Variants in RPS6KC1 observed in about 807,000 individuals in gnomAD.
The protein encoded by RPS6KC1 is inactive ribosomal protein S6 kinase delta-1.
In RPS6KC1, 54 loss-of-function variants were observed where a neutral mutation model predicts 103.8. The observed-to-expected ratio is 0.52, with a 90% CI of 0.42 to 0.65. The LOEUF (loss-of-function observed/expected upper bound fraction) is 0.65, where lower values mean the gene tolerates loss of function less well. Ranked by LOEUF, RPS6KC1 falls within the 30% of genes least tolerant of loss-of-function variation. The pLI is 0.00. For synonymous variants in RPS6KC1, 439 were observed against 438.7 expected (o/e 1.00, Z -0.01); for missense variants, 1,151 against 1,253.8 (o/e 0.92, Z 1.24).
the RPS6KC1 span, among the ~76,000 whole-genome samples, chr1:213,798,924 G>A: frequency 6.6e-6 from 1 of 152,252 alleles, no homozygotes; most frequent in African/African-American, 2.4e-5. Flanking sequence ...CAAATTCCTT[G>A]GGCTTAAAAT....
chr1:213,281,614 A>G, the RPS6KC1 span, among the ~76,000 whole-genome samples: 1 of 152,160 alleles, frequency 6.6e-6, no homozygotes, highest in African/African-American at 2.4e-5. Context: ...GGCATTGGTA[A>G]ATCTTGGCAC....
chr1:213,217,220 A>C (rs1317373444), intron 8 of RPS6KC1, among the ~76,000 whole-genome samples: 1 of 151,772 alleles, frequency 6.6e-6, no homozygotes, highest in Non-Finnish European at 1.5e-5. Context: ...AATACAAACT[A>C]CCATCAGAGA....
chr1:213,697,181 T>A, the RPS6KC1 span, among the ~76,000 whole-genome samples: 1 of 152,232 alleles, frequency 6.6e-6, no homozygotes, highest in South Asian at 2.1e-4. Flanking sequence ...CACAGAACTC[T>A]CATGCCCTCT....
the RPS6KC1 span, among the ~76,000 whole-genome samples, chr1:213,373,589 T>C: frequency 1.3e-5 from 2 of 152,158 alleles, no homozygotes; most frequent in Non-Finnish European, 2.9e-5. Flanking sequence ...TTACAACATA[T>C]TATGTATTTG....
the RPS6KC1 span, among the ~76,000 whole-genome samples, chr1:213,722,828 G>A: frequency 2.0e-5 from 3 of 152,150 alleles, no homozygotes; most frequent in African/African-American, 7.2e-5. Flanking sequence ...TTATGACTAG[G>A]TCCTCTGAAA....
At chr1:213,493,834 A>G in the RPS6KC1 span, among the ~76,000 whole-genome samples, 2 of 152,222 alleles carry the variant, frequency 1.3e-5, no homozygotes. Context: ...AGTGTGTTCT[A>G]GAGAGAAGTG....
At chr1:213,296,888 G>A in the RPS6KC1 span, among the ~76,000 whole-genome samples, 2 of 152,174 alleles carry the variant, frequency 1.3e-5, no homozygotes, top group African/African-American at 4.8e-5. Flanking sequence ...GCTTACTACA[G>A]TGACAAAGGA....
the RPS6KC1 span, among the ~76,000 whole-genome samples, chr1:213,440,202 G>A: frequency 1.3e-5 from 2 of 152,062 alleles, no homozygotes; most frequent in African/African-American, 2.4e-5. Flanking sequence ...CTCCCTACGA[G>A]CTCAAAAATG....
At chr1:213,820,739 G>A in the RPS6KC1 span, 1 of 152,148 alleles carries the variant, frequency 6.6e-6, no homozygotes, top group Admixed American at 6.5e-5. Flanking sequence ...ATAGGGCAGG[G>A]GCAGGTGGAC....
intron 1 of RPS6KC1, among the ~76,000 whole-genome samples, chr1:213,065,060 T>C (rs1170183099): frequency 7.1e-6 from 1 of 140,374 alleles, no homozygotes; most frequent in Non-Finnish European, 1.5e-5. Flanking sequence ...CACTGCAACC[T>C]CTGCCTCCTG....
chr1:213,805,326 A>G, the RPS6KC1 span, among the ~76,000 whole-genome samples: 14 of 152,240 alleles, frequency 9.2e-5, no homozygotes, highest in Non-Finnish European at 1.8e-4. Context: ...TAACCGCAGT[A>G]GAATTTCTGT....
the RPS6KC1 span, among the ~76,000 whole-genome samples, chr1:213,781,032 A>C: frequency 6.6e-5 from 10 of 152,196 alleles, no homozygotes; most frequent in African/African-American, 2.4e-4. Flanking sequence ...TAACACAAAA[A>C]ACAAACAACA....
At chr1:213,082,831 A>G (rs944519250) in intron 3 of RPS6KC1, among the ~76,000 whole-genome samples, 1 of 152,218 alleles carries the variant, frequency 6.6e-6, no homozygotes, top group African/African-American at 2.4e-5. Flanking sequence ...CTGAGCAAAT[A>G]TGGCCTAAAG....
the RPS6KC1 span, among the ~76,000 whole-genome samples, chr1:213,587,853 G>A: frequency 6.6e-6 from 1 of 152,198 alleles, no homozygotes; most frequent in African/African-American, 2.4e-5. Context: ...AGCCAAATTG[G>A]AGGGTAGAAA....
At chr1:213,173,059 C>T (rs562429563) in intron 7 of RPS6KC1, among the ~76,000 whole-genome samples, 84 of 152,212 alleles carry the variant, frequency 5.5e-4, no homozygotes, top group South Asian at 2.9e-3. Context: ...GCTAACCTTG[C>T]TGCGTCTCAG....
chr1:213,600,121 T>C, the RPS6KC1 span, among the ~76,000 whole-genome samples: 1 of 152,180 alleles, frequency 6.6e-6, no homozygotes, highest in Non-Finnish European at 1.5e-5. Flanking sequence ...CTTGCTGCCA[T>C]GTGAAGGTTT....
chr1:213,723,016 T>G, the RPS6KC1 span, among the ~76,000 whole-genome samples: 2 of 152,038 alleles, frequency 1.3e-5, no homozygotes, highest in African/African-American at 2.4e-5. Flanking sequence ...CCATCTCTAC[T>G]AAAAATACAA....
At chr1:213,374,538 C>T in the RPS6KC1 span, among the ~76,000 whole-genome samples, 1 of 152,112 alleles carries the variant, frequency 6.6e-6, no homozygotes, top group African/African-American at 2.4e-5. Context: ...AGGGTTTGCT[C>T]TGGGCTTCCA....
chr1:213,458,921 A>G, the RPS6KC1 span, among the ~76,000 whole-genome samples: 1 of 152,138 alleles, frequency 6.6e-6, no homozygotes, highest in South Asian at 2.1e-4. Flanking sequence ...TGATTTCCAT[A>G]TATTGAAACA....
Sources: allele counts gnomAD v4.1 joint callset (sites outside exome capture counted in the v4.1 genomes callset), GRCh38; gene constraint gnomAD v4.1.1; transcripts MANE v1.5; gene names NCBI Gene and HGNC (gene_info 2026-07-23, HGNC 2026-07-21).